Variants in ZNF367 observed in about 807,000 individuals in gnomAD.
ZNF367 encodes zinc finger protein 367.
ZNF367 carries 11 observed loss-of-function variants against 31.8 expected under a neutral mutation model. That is an observed-to-expected ratio of 0.35 (90% CI 0.22 to 0.57). ZNF367 has a LOEUF of 0.57. ZNF367 is among the 20% of genes least tolerant of loss of function. The pLI, the probability that ZNF367 is intolerant of heterozygous loss-of-function variation, is 0.85. For missense variants in ZNF367, 353 were observed against 484.1 expected, an observed-to-expected ratio of 0.73 and a Z score of 2.54; for synonymous variants, 199 against 202.4, an observed-to-expected ratio of 0.98 and a Z score of 0.14.
intron 1 of ZNF367, among the ~76,000 whole-genome samples, chr9:96,413,995 G>A (rs891268715): frequency 3.9e-5 from 6 of 152,198 alleles, no homozygotes; most frequent in African/African-American, 1.4e-4. Context: ...CCCCAAAAAT[G>A]AGCAGACTCA....
intron 3 of ZNF367, among the ~76,000 whole-genome samples, chr9:96,393,542 T>C (rs1831496476): frequency 7.1e-6 from 1 of 141,174 alleles, no homozygotes; most frequent in African/African-American, 2.7e-5. Flanking sequence ...AATAAATAAA[T>C]AAATAAATGC....
rs1409363385 is a variant in ZNF367 at position 96,398,321 on chromosome 9, A to G, written c.421-7T>C. 1.3e-6 allele frequency: 2 copies of G among 1,593,094 alleles called. No individual in the cohort carries two copies. Among genetic ancestry groups the G allele is most frequent in the East Asian group, 2.2e-5 (1 of 44,766 alleles). ...TACCACGTCGGATTCCATCCTGTTG[A>G]TAATTTTTATAAACATTAATATAAT... On this transcript the variant is annotated splice_polypyrimidine_tract_variant and splice_region_variant and intron_variant, in intron 1 of 4. Transcript: ENST00000375256.
At chr9:96,415,930 G>C (rs943871969) in intron 1 of ZNF367, among the ~76,000 whole-genome samples, 2 of 151,954 alleles carry the variant, frequency 1.3e-5, no homozygotes, top group Non-Finnish European at 2.9e-5. Flanking sequence ...AGCCTCCCAT[G>C]TAGCTACGTA....
At chr9:96,413,472 G>A (rs1214558316) in intron 1 of ZNF367, among the ~76,000 whole-genome samples, 2 of 152,186 alleles carry the variant, frequency 1.3e-5, no homozygotes, top group Admixed American at 1.3e-4. Flanking sequence ...AGGTGACACA[G>A]AAAGGGGAAG....
intron 2 of ZNF367, among the ~76,000 whole-genome samples, chr9:96,395,699 A>G (rs1831522611): frequency 6.6e-6 from 1 of 152,116 alleles, no homozygotes. Context: ...AATTCTTCCT[A>G]TCTACCTCCA....
Position 96,418,204 on chromosome 9 carries a change from G to A in ZNF367, c.-172C>T, listed in dbSNP as rs1329933117. 8 of 1,038,306 alleles carry A rather than the reference G, an allele frequency of 7.7e-6. No homozygotes were observed. Among genetic ancestry groups the A allele is most frequent in the Non-Finnish European group, 9.9e-6 (8 of 805,690 alleles). The allele number at this position is 1,038,306 out of a possible 1,614,324, so 64.3% of individuals were successfully genotyped here. On this transcript the variant is annotated 5_prime_UTR_variant, in exon 1 of 5. Transcript: ENST00000375256. ...CTAACTAGTTGAGCAGACGGCACCG[G>A]CGGGCAGGGCTGGACCCCAGCCCCA...
Position 96,418,356 on chromosome 9 carries a change from A to C in ZNF367, c.-324T>G. The C allele has an allele frequency of 5.9e-5, 18 of 305,738 alleles. No individual in the cohort carries two copies. Among genetic ancestry groups the C allele is most frequent in the Non-Finnish European group, 7.2e-5 (12 of 167,210 alleles). 18.9% of individuals were successfully genotyped at this position (305,738 alleles called of 1,614,324 possible). ...CGGCGCTGAGCCCCCAAAAATAACA[A>C]CCTGCCGCCGCGGTGCCTGCCCCGG... On this transcript the variant is annotated 5_prime_UTR_variant, in exon 1 of 5. Coordinates refer to ENST00000375256, the MANE Select transcript of ZNF367 (RefSeq NM_153695.4).
intron 1 of ZNF367, among the ~76,000 whole-genome samples, chr9:96,412,591 CAA>C (rs1376519860): frequency 6.6e-6 from 1 of 152,072 alleles, no homozygotes; most frequent in African/African-American, 2.4e-5. Flanking sequence ...CACAACTTCT[CAA>C]GTTTTAATTC....
rs3045262 is a variant in ZNF367, at chr9:96,407,980, AAAATAAATAAAT to A, written c.420+9621_420+9632del. The stretch of plus-strand genomic sequence containing the variant: ...TGTAAATAAAGTTTTAATGGAACAC[AAAATAAATAAAT>A]AAATAAATAAATAAATAAATAAATA... On this transcript the variant is annotated intron_variant, in intron 1 of 4. Coordinates refer to ENST00000375256, the MANE Select transcript of ZNF367 (RefSeq NM_153695.4). Among the ~76,000 whole-genome samples, 103 of 148,550 alleles carry A rather than the reference AAAATAAATAAAT, an allele frequency of 6.9e-4. 1 individual carries two copies. The highest frequency in any genetic ancestry group is 1.6e-3 in the Admixed American group (24 of 14,710).
In ZNF367 at chr9:96,417,576, C is replaced by T. The variant is rs1324826533; in HGVS notation, c.420+37G>A. On this transcript the variant is annotated intron_variant, in intron 1 of 4. Coordinates refer to ENST00000375256, the MANE Select transcript of ZNF367 (RefSeq NM_153695.4). This position sits in a 1 kb window ranked among gnomAD's most constrained non-coding sequence, Gnocchi z 5.0. The stretch of plus-strand genomic sequence containing the variant: ...CGCACCGTTAACGGGCCCCGGCTGC[C>T]CCACGTCCCGCCCGCCCGCCCGCCC... The T allele has an allele frequency of 7.6e-6, 3 of 393,576 alleles. No homozygotes were observed. The highest frequency in any genetic ancestry group is 8.6e-5 in the East Asian group (2 of 23,156). 24.4% of individuals were successfully genotyped at this position (393,576 alleles called of 1,614,324 possible).
chr9:96,410,574 A>AAC (rs1554721466), intron 1 of ZNF367, among the ~76,000 whole-genome samples: 1 of 146,754 alleles, frequency 6.8e-6, no homozygotes, highest in Non-Finnish European at 1.5e-5. Context: ...AAAAAAAAAA[A>AAC]AAAAACAAAA....
chr9:96,409,329 C>A (rs1281387652), intron 1 of ZNF367, among the ~76,000 whole-genome samples: 1 of 152,212 alleles, frequency 6.6e-6, no homozygotes, highest in Non-Finnish European at 1.5e-5. Context: ...TCTGTTTTCT[C>A]TCTGCTTTGA....
intron 1 of ZNF367, 64 bp from the exon 2 acceptor site, chr9:96,398,378 CATAAT>C (rs1461344147): frequency 7.0e-7 from 1 of 1,422,778 alleles, no homozygotes; most frequent in African/African-American, 1.4e-5. Context: ...AGCAACGTAT[CATAAT>C]ATAACTTTCA....
Position 96,418,341 on chromosome 9 carries a change from C to T in ZNF367, c.-309G>A. ...GGAAAGCAGGACGCGCGGCGCTGAG[C>T]CCCCAAAAATAACAACCTGCCGCCG... is the stretch of plus-strand genomic sequence containing the variant. On this transcript the variant is annotated 5_prime_UTR_variant, in exon 1 of 5. Coordinates refer to ENST00000375256, the MANE Select transcript of ZNF367 (RefSeq NM_153695.4). The T allele has an allele frequency of 5.5e-6, 2 of 364,272 alleles. No homozygotes were observed. The highest frequency in any genetic ancestry group is 9.7e-6 in the Non-Finnish European group (2 of 205,316). The allele number at this position is 364,272 out of a possible 1,614,324, so 22.6% of individuals were successfully genotyped here. A position where few individuals can be genotyped will look rare whatever the true frequency, so the allele number is the denominator to read the frequency against.
In ZNF367 at chr9:96,418,181, A is replaced by C; in HGVS notation, c.-149T>G. On this transcript the variant is annotated 5_prime_UTR_variant, in exon 1 of 5. Coordinates refer to ENST00000375256, the MANE Select transcript of ZNF367 (RefSeq NM_153695.4). ...CCGGAATCCTGCGCAGCAGCCACCT[A>C]ACTAGTTGAGCAGACGGCACCGGCG... is the stretch of plus-strand genomic sequence containing the variant. 1 of 1,178,140 alleles carries C rather than the reference A, an allele frequency of 8.5e-7. No homozygotes were observed. Among genetic ancestry groups the C allele is most frequent in the Non-Finnish European group, 1.1e-6 (1 of 930,772 alleles). 73.0% of individuals were successfully genotyped at this position (1,178,140 alleles called of 1,614,324 possible).
intron 1 of ZNF367, among the ~76,000 whole-genome samples, chr9:96,412,379 T>TA (rs1294744638): frequency 6.6e-6 from 1 of 152,190 alleles, no homozygotes; most frequent in Non-Finnish European, 1.5e-5. Flanking sequence ...ATGTGATAAC[T>TA]AAAAAACCTA....
rs1284760767 is a variant in ZNF367 at position 96,386,062 on chromosome 9, T to C, written c.*2175A>G. On this transcript the variant is annotated 3_prime_UTR_variant, in exon 5 of 5. Coordinates refer to ENST00000375256, the MANE Select transcript of ZNF367 (RefSeq NM_153695.4). ...ATGAAGCATAAAACACTTCAAAAATTTGAATGTAAACCATTTTTTAAAACA... is the reference window on the plus strand; with the variant it reads ...ATGAAGCATAAAACACTTCAAAAATCTGAATGTAAACCATTTTTTAAAACA... 6 of 152,250 alleles carry C rather than the reference T, an allele frequency of 3.9e-5. No individual in the cohort carries two copies. The highest frequency in any genetic ancestry group is 1.4e-4 in the African/African-American group (6 of 41,570). 9.4% of individuals were successfully genotyped at this position (152,250 alleles called of 1,614,324 possible). A position where few individuals can be genotyped will look rare whatever the true frequency, so the allele number is the denominator to read the frequency against.
intron 4 of ZNF367, among the ~76,000 whole-genome samples, chr9:96,392,064 C>T (rs1282682126): frequency 6.6e-6 from 1 of 152,098 alleles, no homozygotes. Context: ...TGGCACGTAG[C>T]TAAGGCTAAC....
chr9:96,397,175 T>G (rs767753637), intron 2 of ZNF367, among the ~76,000 whole-genome samples: 5 of 152,174 alleles, frequency 3.3e-5, no homozygotes, highest in Non-Finnish European at 7.3e-5. Flanking sequence ...GCTCTAGCTT[T>G]AAAGGTATGA....
Sources: gnomAD v4.1 joint callset for allele counts (sites outside exome capture counted in the v4.1 genomes callset) on GRCh38, gnomAD v4.1.1 for gene constraint, Gnocchi (gnomAD v3.1) non-coding constraint, MANE v1.5 for transcripts, NCBI Gene and HGNC (gene_info 2026-07-23, HGNC 2026-07-21) for gene names.